PPP2R5E: variants seen among roughly 807,000 people sequenced by gnomAD.
PPP2R5E encodes the protein serine/threonine-protein phosphatase 2A 56 kDa regulatory subunit epsilon isoform.
In PPP2R5E, 4 loss-of-function variants were observed where a neutral mutation model predicts 65.3. The observed-to-expected ratio is 0.06, with a 90% confidence interval of 0.03 to 0.14. The LOEUF (loss-of-function observed/expected upper bound fraction) is 0.14, where lower values mean the gene tolerates loss of function less well. Ranked by LOEUF, PPP2R5E falls within the 10% of genes least tolerant of loss-of-function variation. The pLI is 1.00. For missense variants in PPP2R5E, 274 were observed against 556.1 expected, an observed-to-expected ratio of 0.49 and a Z score of 5.10; for synonymous variants, 183 against 187.4, an observed-to-expected ratio of 0.98 and a Z score of 0.19.
At chr14:63,463,600 C>CTTTTT (rs534076468) in intron 2 of PPP2R5E, among the ~76,000 whole-genome samples, 15 of 139,216 alleles carry the variant, frequency 1.1e-4, no homozygotes, top group African/African-American at 3.7e-4. Flanking sequence ...CTCGAATTCG[C>CTTTTT]TTTTTTTTTT....
At position 63,389,751 on chromosome 14, in the gene PPP2R5E, A is replaced by G. The variant is rs1307472306; in HGVS notation, c.955-20T>C. The G allele has an allele frequency of 1.3e-6, 2 of 1,570,808 alleles. No homozygotes were observed. Among genetic ancestry groups the G allele is most frequent in the Non-Finnish European group, 1.7e-6 (2 of 1,160,032 alleles). On this transcript the variant is annotated intron_variant, in intron 10 of 13. Transcript: ENST00000337537. ...CATGACCTGTAAGTACAAGCAAAATACAAGATGTGAGGCACATCATGAAAA... is the reference window on the plus strand; with the variant it reads ...CATGACCTGTAAGTACAAGCAAAATGCAAGATGTGAGGCACATCATGAAAA...
At chr14:63,491,384 A>C (rs1891278235) in intron 2 of PPP2R5E, among the ~76,000 whole-genome samples, 3 of 152,106 alleles carry the variant, frequency 2.0e-5, no homozygotes, top group African/African-American at 7.2e-5. Flanking sequence ...ATTTTAAAAA[A>C]AAAGCAGTAT....
At chr14:63,530,338 T>C (rs1384575294) in intron 2 of PPP2R5E, among the ~76,000 whole-genome samples, 1 of 149,434 alleles carries the variant, frequency 6.7e-6, no homozygotes, top group African/African-American at 2.5e-5. Flanking sequence ...ATTCAAGCGA[T>C]TCTCCTGCCT....
chr14:63,429,937 G>T (rs1210271726), intron 3 of PPP2R5E, among the ~76,000 whole-genome samples: 1 of 151,988 alleles, frequency 6.6e-6, no homozygotes, highest in African/African-American at 2.4e-5. Flanking sequence ...ACCCGCCTTG[G>T]CCTCCCAAAG....
chr14:63,527,159 A>C (rs1893217221), intron 2 of PPP2R5E, among the ~76,000 whole-genome samples: 2 of 152,214 alleles, frequency 1.3e-5, no homozygotes, highest in African/African-American at 4.8e-5. Context: ...ACAAGAGGGA[A>C]ACTCCGTCTC....
rs548531052 is a variant in PPP2R5E at position 63,436,180 on chromosome 14, T to G, written c.355-14086A>C. Among the ~76,000 whole-genome samples the G allele has an allele frequency of 2.0e-5, 3 of 152,348 alleles. No individual in the cohort carries two copies. In the East Asian group the frequency reaches 5.8e-4, roughly 29 times the overall value. On this transcript the variant is annotated intron_variant, in intron 3 of 13. Coordinates refer to ENST00000337537, the MANE Select transcript of PPP2R5E (RefSeq NM_006246.5). Reference sequence around the variant, plus strand: ...TGAGTGTTTTCTGTAAAAGCCACAGTGCACAAGTTGATAAAACAATACCAA... The same window carrying G: ...TGAGTGTTTTCTGTAAAAGCCACAGGGCACAAGTTGATAAAACAATACCAA...
chr14:63,513,341 A>G (rs902571474), intron 2 of PPP2R5E, among the ~76,000 whole-genome samples: 2 of 152,238 alleles, frequency 1.3e-5, no homozygotes, highest in African/African-American at 4.8e-5. Flanking sequence ...AATTATGCCC[A>G]GCAAAATGAA....
chr14:63,387,095 C>A (rs1304861273), intron 11 of PPP2R5E, among the ~76,000 whole-genome samples: 1 of 152,062 alleles, frequency 6.6e-6, no homozygotes, highest in African/African-American at 2.4e-5. Context: ...GTAACTGACA[C>A]AGATAAAGCA....
chr14:63,523,070 G>A (rs1020117005), intron 2 of PPP2R5E, among the ~76,000 whole-genome samples: 2 of 148,844 alleles, frequency 1.3e-5, no homozygotes, highest in Admixed American at 6.6e-5. Flanking sequence ...CAGCCGCCCC[G>A]TCCGGGAGGG....
intron 3 of PPP2R5E, among the ~76,000 whole-genome samples, chr14:63,439,271 TTATAG>T (rs1888086674): frequency 6.6e-6 from 1 of 151,960 alleles, no homozygotes. Flanking sequence ...CCTTATAGAG[TTATAG>T]TATAATAACA....
At chr14:63,520,130 G>C (rs1442378199) in intron 2 of PPP2R5E, among the ~76,000 whole-genome samples, 2 of 152,030 alleles carry the variant, frequency 1.3e-5, no homozygotes, top group African/African-American at 4.8e-5. Context: ...CCGCCTCCCG[G>C]GTTCACGCCA....
At chr14:63,523,433 A>G (rs538770120) in intron 2 of PPP2R5E, among the ~76,000 whole-genome samples, 1 of 152,154 alleles carries the variant, frequency 6.6e-6, no homozygotes, top group Non-Finnish European at 1.5e-5. Context: ...TCTCTGAAAC[A>G]TGTGCTGTGT....
At chr14:63,537,826 A>G (rs1248348585) in intron 2 of PPP2R5E, among the ~76,000 whole-genome samples, 3 of 152,232 alleles carry the variant, frequency 2.0e-5, no homozygotes, top group Non-Finnish European at 2.9e-5. Context: ...AGTATTCAGC[A>G]CATAAACATC....
chr14:63,468,294 A>T (rs1373132613), intron 2 of PPP2R5E, among the ~76,000 whole-genome samples: 1 of 152,208 alleles, frequency 6.6e-6, no homozygotes, highest in Non-Finnish European at 1.5e-5. Context: ...AATTGTTGAT[A>T]CATATAGATC....
At chr14:63,522,089 A>G (rs1286020832) in intron 2 of PPP2R5E, among the ~76,000 whole-genome samples, 6 of 145,930 alleles carry the variant, frequency 4.1e-5, no homozygotes, top group Admixed American at 3.4e-4. Flanking sequence ...GATTGCAGGC[A>G]CGCGCCGCCA....
At chr14:63,412,192 C>A (rs1043533681) in intron 5 of PPP2R5E, among the ~76,000 whole-genome samples, 1 of 152,194 alleles carries the variant, frequency 6.6e-6, no homozygotes, top group African/African-American at 2.4e-5. Context: ...CATGGTGGTG[C>A]ACACCTGTAG....
intron 3 of PPP2R5E, among the ~76,000 whole-genome samples, chr14:63,434,683 C>T (rs189196068): frequency 2.6e-4 from 39 of 152,312 alleles, no homozygotes; most frequent in African/African-American, 6.7e-4. Flanking sequence ...CTGGTCAAAA[C>T]CAATTTCACT....
chr14:63,405,284 C>T (rs1196794658), intron 5 of PPP2R5E, among the ~76,000 whole-genome samples: 1 of 152,008 alleles, frequency 6.6e-6, no homozygotes, highest in African/African-American at 2.4e-5. Flanking sequence ...ATTCAAGGAA[C>T]TCGTTTGGAA....
At chr14:63,399,366 CTTTTTTTTTTTTTTTT>C (rs397814218) in intron 5 of PPP2R5E, among the ~76,000 whole-genome samples, 9 of 48,520 alleles carry the variant, frequency 1.9e-4, no homozygotes, top group East Asian at 1.2e-3. Flanking sequence ...GGATTTCTTT[CTTTTTTTTTTTTTTTT>C]TTTTTTTTTT....
Sources: allele counts gnomAD v4.1 joint callset (sites outside exome capture counted in the v4.1 genomes callset), GRCh38; gene constraint gnomAD v4.1.1; transcripts MANE v1.5; gene names NCBI Gene and HGNC (gene_info 2026-07-23, HGNC 2026-07-21).